CLVS1: variants seen among roughly 807,000 people sequenced by gnomAD.
CLVS1 encodes clavesin 1.
CLVS1 carries 10 observed loss-of-function variants against 33.1 expected under a neutral mutation model. The observed-to-expected ratio is 0.30, with a 90% CI of 0.19 to 0.51. CLVS1 has a LOEUF of 0.51. Ranked by LOEUF, CLVS1 falls within the 20% of genes least tolerant of loss-of-function variation. The pLI, the probability that CLVS1 is intolerant of heterozygous loss-of-function variation, is 0.97. For synonymous variants in CLVS1, 163 were observed against 166.1 expected (o/e 0.98, Z 0.14); for missense variants, 343 against 433.4 (o/e 0.79, Z 1.85).
intron 2 of CLVS1, among the ~76,000 whole-genome samples, chr8:61,262,736 G>A (rs1162680872): frequency 6.6e-6 from 1 of 152,176 alleles, no homozygotes; most frequent in Non-Finnish European, 1.5e-5. Context: ...CCAGGTTGCA[G>A]GCAGAGTGCA....
intron 2 of CLVS1, among the ~76,000 whole-genome samples, chr8:61,227,894 C>G (rs1191528101): frequency 2.6e-5 from 4 of 152,154 alleles, no homozygotes. Context: ...CCAAGTAATT[C>G]ATTGAATAAT....
chr8:61,265,732 T>C (rs185123742), intron 2 of CLVS1, among the ~76,000 whole-genome samples: 1 of 152,226 alleles, frequency 6.6e-6, no homozygotes, highest in Non-Finnish European at 1.5e-5. Context: ...ACTTACCCTC[T>C]GTTACTACAG....
intron 5 of CLVS1, among the ~76,000 whole-genome samples, chr8:61,476,313 G>T (rs1472392689): frequency 6.6e-6 from 1 of 152,178 alleles, no homozygotes; most frequent in Non-Finnish European, 1.5e-5. Flanking sequence ...CTTTAAAGTA[G>T]TTTTTTCCAA....
intron 3 of CLVS1, among the ~76,000 whole-genome samples, chr8:61,430,075 A>T (rs1022713222): frequency 2.0e-5 from 3 of 152,194 alleles, no homozygotes; most frequent in African/African-American, 7.2e-5. Context: ...AAATTACTCA[A>T]ATACTTGTAC....
intron 3 of CLVS1, among the ~76,000 whole-genome samples, chr8:61,394,448 A>C (rs1326590293): frequency 6.6e-6 from 1 of 152,058 alleles, no homozygotes; most frequent in East Asian, 1.9e-4. Context: ...AAAAACCATC[A>C]GGTCGGGGCA....
At chr8:61,260,134 A>C (rs1375479949) in intron 2 of CLVS1, among the ~76,000 whole-genome samples, 1 of 151,946 alleles carries the variant, frequency 6.6e-6, no homozygotes, top group Non-Finnish European at 1.5e-5. Context: ...ACCTTTCTTT[A>C]TTACTCTATT....
chr8:61,028,175 G>C, the CLVS1 span, among the ~76,000 whole-genome samples: 1 of 152,198 alleles, frequency 6.6e-6, no homozygotes, highest in Admixed American at 6.5e-5. Flanking sequence ...ATTTGGCAAG[G>C]CAGCAGTGAT....
rs540372924 is a variant in CLVS1 at position 61,243,687 on chromosome 8, C to CT, written c.-151-55983dup. Reference sequence around the variant, plus strand: ...GTCTGTAGGATCTGTAGTGATGTTTCTTTTTTTGTTCTTGATATTATTTAA... The same window carrying CT: ...GTCTGTAGGATCTGTAGTGATGTTTCTTTTTTTTGTTCTTGATATTATTTAA... On this transcript the variant is annotated intron_variant, in intron 2 of 2. Coordinates refer to the CLVS1 transcript ENST00000522621. 8.1e-3 allele frequency among the ~76,000 whole-genome samples: 1,227 copies of CT among 152,016 alleles called. 5 individuals carry two copies. Among genetic ancestry groups the CT allele is most frequent in the Non-Finnish European group, 0.014 (929 of 67,978 alleles).
chr8:61,254,777 T>C (rs1322817820), intron 2 of CLVS1, among the ~76,000 whole-genome samples: 9 of 152,118 alleles, frequency 5.9e-5, no homozygotes, highest in Admixed American at 5.9e-4. Context: ...AAAAGTGCAG[T>C]ATTAGGGTGG....
chr8:61,068,609 T>TG (rs1662237606), intron 1 of CLVS1, among the ~76,000 whole-genome samples: 1 of 152,142 alleles, frequency 6.6e-6, no homozygotes, highest in Non-Finnish European at 1.5e-5. Context: ...CCTCATCTCA[T>TG]GAGTCATTGG....
At chr8:61,216,228 C>T (rs1213913951) in intron 2 of CLVS1, among the ~76,000 whole-genome samples, 5 of 152,158 alleles carry the variant, frequency 3.3e-5, no homozygotes, top group African/African-American at 4.8e-5. Context: ...CTGTTGAAAT[C>T]GTTAAGAGCT....
intron 2 of CLVS1, among the ~76,000 whole-genome samples, chr8:61,326,463 A>C (rs143455120): frequency 1.2e-3 from 186 of 152,260 alleles, no homozygotes; most frequent in African/African-American, 4.0e-3. Context: ...GTTCCAAGAG[A>C]GAAAGGGCAA....
At chr8:61,340,130 C>A (rs554194263) in intron 2 of CLVS1, among the ~76,000 whole-genome samples, 5 of 152,024 alleles carry the variant, frequency 3.3e-5, no homozygotes, top group East Asian at 1.9e-4. Flanking sequence ...AGGGAAAGAA[C>A]CCTGCATTGC....
At chr8:61,362,458 G>T (rs1377732508) in intron 2 of CLVS1, among the ~76,000 whole-genome samples, 1 of 152,128 alleles carries the variant, frequency 6.6e-6, no homozygotes, top group Non-Finnish European at 1.5e-5. Flanking sequence ...TGTTCATCTG[G>T]TTTCACTGAG....
chr8:61,111,003 A>C (rs758545336), intron 1 of CLVS1, among the ~76,000 whole-genome samples: 3 of 152,202 alleles, frequency 2.0e-5, no homozygotes, highest in Non-Finnish European at 2.9e-5. Flanking sequence ...TGAATATGGT[A>C]TGCAACTATC....
chr8:61,048,540 C>T, the CLVS1 span, among the ~76,000 whole-genome samples: 37 of 152,320 alleles, frequency 2.4e-4, no homozygotes, highest in South Asian at 7.5e-3. Flanking sequence ...CAAGTCTTTC[C>T]TTCTCCCCCA....
intron 2 of CLVS1, among the ~76,000 whole-genome samples, chr8:61,199,779 G>A (rs978032891): frequency 1.3e-5 from 2 of 152,120 alleles, no homozygotes; most frequent in Admixed American, 6.5e-5. Flanking sequence ...TTCCCAAAGG[G>A]GCTTTGTCTC....
At chr8:61,038,996 T>C in the CLVS1 span, among the ~76,000 whole-genome samples, 1 of 152,226 alleles carries the variant, frequency 6.6e-6, no homozygotes, top group East Asian at 1.9e-4. Context: ...TGAAAATATT[T>C]ATATTAGTCT....
intron 2 of CLVS1, among the ~76,000 whole-genome samples, chr8:61,306,132 T>G (rs1049157989): frequency 2.2e-4 from 34 of 152,224 alleles, no homozygotes; most frequent in African/African-American, 8.0e-4. Context: ...CCACAATCTT[T>G]GAACTAATTT....
Sources: allele counts gnomAD v4.1 joint callset (sites outside exome capture counted in the v4.1 genomes callset), GRCh38; gene constraint gnomAD v4.1.1; transcripts MANE v1.5; gene names NCBI Gene and HGNC (gene_info 2026-07-23, HGNC 2026-07-21).